CHRNE: variants seen among roughly 807,000 people sequenced by gnomAD.
CHRNE encodes the protein cholinergic receptor nicotinic epsilon subunit, also known as acetylcholine receptor subunit epsilon.
CHRNE carries 58 observed loss-of-function variants against 56.5 expected under a neutral mutation model. The observed-to-expected ratio is 1.03, with a 90% confidence interval of 0.83 to 1.28. The LOEUF (loss-of-function observed/expected upper bound fraction) is 1.28. Ranked by LOEUF, CHRNE falls within the 50% of genes most tolerant of loss-of-function variation. The pLI is 0.00. For synonymous variants in CHRNE, 385 were observed against 297.9 expected, an observed-to-expected ratio of 1.29 and a Z score of -3.01; for missense variants, 793 against 688.9, an observed-to-expected ratio of 1.15 and a Z score of -1.69.
Position 4,902,948 on chromosome 17 carries a change from CTT to C in CHRNE, c.46+68_46+69del. On this transcript the variant is annotated intron_variant, in intron 1 of 11. Transcript: ENST00000649488. This position sits in a 1 kb window ranked among gnomAD's most constrained non-coding sequence, Gnocchi z 4.0. Reference sequence around the variant, plus strand: ...TCTAAGTCTCCATCTTGGTCTCTGTCTTTGTCTTCCCAGTCCCTTCATGTCAG... The same window carrying C: ...TCTAAGTCTCCATCTTGGTCTCTGTCTGTCTTCCCAGTCCCTTCATGTCAG... The C allele has an allele frequency of 1.2e-6, 2 of 1,606,336 alleles. No individual in the cohort carries two copies. The highest frequency in any genetic ancestry group is 1.1e-5 in the South Asian group (1 of 90,836).
At chr17:4,899,438 C>T (rs1334356932) in intron 9 of CHRNE, 30 bp downstream of exon 9, 1 of 1,557,662 alleles carries the variant, frequency 6.4e-7, no homozygotes, top group South Asian at 1.2e-5. Context: ...CCCACCCCGA[C>T]CCGGGCTGCA....
chr17:4,899,492 G>A lies in CHRNE; in HGVS notation c.1008C>T (p.His336=), dbSNP rs768479748. 7 of 1,601,008 alleles carry A rather than the reference G, an allele frequency of 4.4e-6. No individual in the cohort carries two copies. Among genetic ancestry groups the A allele is most frequent in the South Asian group, 2.3e-5 (2 of 88,516 alleles). Residue 336 remains histidine, a synonymous_variant, in exon 9 of 12, where the codon CAC becomes CAT. Transcript: ENST00000649488. ...CGTGGCGCAGCCGCGGGGACATGGC[G>A]TGGGTGGTGGGCGTCCGCTGGGACA... ...LNVSQRTPTT[H]AMSPRLRHVL...
rs926435428 is a variant in CHRNE, at chr17:4,898,091, G to C, written c.*645C>G. 8 of 151,444 alleles carry C rather than the reference G, an allele frequency of 5.3e-5. No homozygotes were observed. The highest frequency in any genetic ancestry group is 2.0e-4 in the South Asian group (1 of 5,128). The allele number at this position is 151,444 out of a possible 1,614,324, so 9.4% of individuals were successfully genotyped here. A position where few individuals can be genotyped will look rare whatever the true frequency, so the allele number is the denominator to read the frequency against. On this transcript the variant is annotated 3_prime_UTR_variant, in exon 12 of 12. Transcript: ENST00000649488. ...GGCCGCATGTCCTTGCTTTCTGTCA[G>C]TACTGTAGACTAGGCAGAGAGAGCC...
intron 6 of CHRNE, 118 bp from the exon 7 acceptor site, chr17:4,901,308 G>A (rs1295754943): frequency 8.5e-7 from 1 of 1,171,750 alleles, no homozygotes; most frequent in Non-Finnish European, 1.2e-6. Context: ...CAGGATGGGG[G>A]CAATTACGGA....
intron 8 of CHRNE, chr17:4,900,432 C>CGGGGTCTGCA (rs746824055): frequency 1.1e-4 from 165 of 1,551,032 alleles, no homozygotes; most frequent in Admixed American, 2.2e-4. Context: ...CCTGTGTGGA[C>CGGGGTCTGCA]GGGGTCTGCA....
In CHRNE at chr17:4,898,567, C is replaced by G. The variant is rs1597611978; in HGVS notation, c.*169G>C. 4.6e-6 allele frequency: 4 copies of G among 872,144 alleles called. No homozygotes were observed. In the South Asian group the frequency reaches 6.4e-5, roughly 14 times the overall value. 54.0% of individuals were successfully genotyped at this position (872,144 alleles called of 1,614,324 possible). A position where few individuals can be genotyped will look rare whatever the true frequency, so the allele number is the denominator to read the frequency against. The stretch of plus-strand genomic sequence containing the variant: ...TTTCCTCCTGCTGACCCCTGGACTG[C>G]GGCCAGGCCTACACACGCCAGGGAA... On this transcript the variant is annotated 3_prime_UTR_variant, in exon 12 of 12. Coordinates refer to ENST00000649488, the MANE Select transcript of CHRNE (RefSeq NM_000080.4).
chr17:4,901,800 C>T, intron 5 of CHRNE, 132 bp downstream of exon 5: 4 of 1,390,800 alleles, frequency 2.9e-6, no homozygotes, highest in South Asian at 1.2e-5. Flanking sequence ...TGGAGCGTCC[C>T]ACCCAGTGCC....
chr17:4,900,299 A>G, intron 8 of CHRNE: 4 of 1,545,452 alleles, frequency 2.6e-6, no homozygotes, highest in Non-Finnish European at 3.5e-6. Context: ...GCCCAGCCCC[A>G]GACGGCAGGG....
upstream of CHRNE, among the ~76,000 whole-genome samples, chr17:4,906,626 G>A (rs1970095435): frequency 6.6e-6 from 1 of 152,090 alleles, no homozygotes; most frequent in African/African-American, 2.4e-5. Context: ...GCTGAGGTAG[G>A]AGAATTGCTT....
In CHRNE at chr17:4,898,998, C is replaced by T. The variant is rs746139069; in HGVS notation, c.1326+3G>A. 2 of 1,590,100 alleles carry T rather than the reference C, an allele frequency of 1.3e-6. No individual in the cohort carries two copies. Among genetic ancestry groups the T allele is most frequent in the Non-Finnish European group, 1.7e-6 (2 of 1,169,566 alleles). On this transcript the variant is annotated splice_donor_region_variant and intron_variant, in intron 11 of 11. Transcript: ENST00000649488. ...CTCCACCCGCCTCTGGCTCCTGTCC[C>T]ACCTCGCCGGTGGCCTCCTGATCTC...
chr17:4,908,490 G>A (rs550404611), intron 1 of CHRNE, among the ~76,000 whole-genome samples: 31 of 125,664 alleles, frequency 2.5e-4, no homozygotes, highest in South Asian at 4.4e-4. Context: ...TCCTGCCAGC[G>A]CTGGGAGCAA....
At position 4,899,574 on chromosome 17, in the gene CHRNE, A is replaced by C; in HGVS notation, c.926T>G (p.Ile309Ser). 6.3e-7 allele frequency: 1 copy of C among 1,586,328 alleles called. No individual in the cohort carries two copies. Reference sequence around the variant, plus strand: ...GAGCGTGGCGACCACCATGACGAAAATAAGGAACCTGAGGAGCCCGGAAGG... The same window carrying C: ...GAGCGTGGCGACCACCATGACGAAACTAAGGAACCTGAGGAGCCCGGAAGG... Reference protein sequence around the residue: ...LSVPLLGRFLIFVMVVATLIV... With the variant: ...LSVPLLGRFLSFVMVVATLIV... Residue 309 changes from isoleucine (I) to serine (S), a missense_variant, in exon 9 of 12, where the codon ATT becomes AGT. Ile to Ser is a moderately radical substitution (Grantham distance 142, BLOSUM62 -2). Transcript: ENST00000649488.
chr17:4,899,168 G>C, intron 10 of CHRNE, 30 bp downstream of exon 10: 1 of 1,591,662 alleles, frequency 6.3e-7, no homozygotes, highest in Non-Finnish European at 8.5e-7. Flanking sequence ...CACCCCGCGC[G>C]GCCCCCCGGG....
Position 4,899,036 on chromosome 17 carries a change from C to T in CHRNE, c.1291G>A (p.Ala431Thr), listed in dbSNP as rs121909517. 6 of 1,610,882 alleles carry T rather than the reference C, an allele frequency of 3.7e-6. No homozygotes were observed. The highest frequency in any genetic ancestry group is 1.1e-5 in the South Asian group (1 of 90,410). Residue 431 changes from alanine (A) to threonine (T), a missense_variant, in exon 11 of 12, where the codon GCC becomes ACC. Transcript: ENST00000649488. ...RCCVDAVNFVAESTRDQEATG... is the reference protein window; with the variant it reads ...RCCVDAVNFVTESTRDQEATG... ...GCCTCCTGATCTCTCGTGCTCTCGGCCACGAAGTTCACGGCATCCACACAG... is the reference window on the plus strand; with the variant it reads ...GCCTCCTGATCTCTCGTGCTCTCGGTCACGAAGTTCACGGCATCCACACAG...
Position 4,898,892 on chromosome 17 carries a change from CTGGGGAAG to C in CHRNE, c.1327-9_1327-2del. The stretch of plus-strand genomic sequence containing the variant: ...CCATGCGCACCCAGTCGGACACTTC[CTGGGGAAG>C]GGTCGGCACAGTCAGTAAAGAGGCA... On this transcript the variant is annotated splice_acceptor_variant and splice_polypyrimidine_tract_variant and intron_variant, in intron 11 of 11. Coordinates refer to ENST00000649488, the MANE Select transcript of CHRNE (RefSeq NM_000080.4). LOFTEE classifies it high-confidence loss of function. The C allele has an allele frequency of 6.3e-7, 1 of 1,577,264 alleles. No homozygotes were observed. Among genetic ancestry groups the C allele is most frequent in the Non-Finnish European group, 8.6e-7 (1 of 1,161,898 alleles).
Position 4,902,167 on chromosome 17 carries a change from C to A in CHRNE, c.344+50G>T. ...CCCCCTTCCCCAACCAAGTCCAGCC[C>A]GCACCCCAGGCCGGCTTCCCTCCAG... On this transcript the variant is annotated intron_variant, in intron 4 of 11. Transcript: ENST00000649488. The surrounding 1 kb of genome is among the most constrained non-coding windows in gnomAD (Gnocchi z 4.0). 1 of 1,613,618 alleles carries A rather than the reference C, an allele frequency of 6.2e-7. No individual in the cohort carries two copies. Among genetic ancestry groups the A allele is most frequent in the Non-Finnish European group, 8.5e-7 (1 of 1,179,566 alleles).
rs769228953 is a variant in CHRNE at position 4,901,008 on chromosome 17, A to G, written c.784T>C (p.Tyr262His). The G allele has an allele frequency of 2.5e-6, 4 of 1,613,852 alleles. No homozygotes were observed. In the Admixed American group the frequency reaches 6.7e-5, roughly 27 times the overall value. ...TGCTTACCCTGCGCCGGCAGGAAGT[A>G]GGCGAGCAGCACCAGGCCCGAGATG... The part of the protein sequence containing the change: ...VLISGLVLLA[Y>H]FLPAQAGGQK... Residue 262 changes from tyrosine to histidine, a missense_variant, in exon 7 of 12, where the codon TAC becomes CAC. By Grantham distance (83) the Tyr-to-His change is moderately conservative. Transcript: ENST00000649488.
chr17:4,901,629 C>CGGAGCCAGGGCCG lies in CHRNE; in HGVS notation c.501-17_501-5dup. Reference sequence around the variant, plus strand: ...TTCGGCATTGTACGTCTGAGAGCTGCGGAGCCAGGGCCGGGAGCCCACCCC... The same window carrying CGGAGCCAGGGCCG: ...TTCGGCATTGTACGTCTGAGAGCTGCGGAGCCAGGGCCGGGAGCCAGGGCCGGGAGCCCACCCC... On this transcript the variant is annotated splice_polypyrimidine_tract_variant and splice_region_variant and intron_variant, in intron 5 of 11. Coordinates refer to ENST00000649488, the MANE Select transcript of CHRNE (RefSeq NM_000080.4). The CGGAGCCAGGGCCG allele has an allele frequency of 1.9e-6, 3 of 1,613,672 alleles. No individual in the cohort carries two copies. The highest frequency in any genetic ancestry group is 2.5e-6 in the Non-Finnish European group (3 of 1,179,784).
At position 4,899,455 on chromosome 17, in the gene CHRNE, C is replaced by A; in HGVS notation, c.1032+13G>T. The A allele has an allele frequency of 6.4e-7, 1 of 1,573,916 alleles. No homozygotes were observed. The highest frequency in any genetic ancestry group is 8.6e-7 in the Non-Finnish European group (1 of 1,161,102). On this transcript the variant is annotated intron_variant, in intron 9 of 11. Coordinates refer to ENST00000649488, the MANE Select transcript of CHRNE (RefSeq NM_000080.4). ...CACCCCGACCCGGGCTGCACCGCCC[C>A]CTCCGCGCTTACGTGGCGCAGCCGC...
Sources: gnomAD v4.1 joint callset for allele counts (sites outside exome capture counted in the v4.1 genomes callset) on GRCh38, gnomAD v4.1.1 for gene constraint, Gnocchi (gnomAD v3.1) non-coding constraint, MANE v1.5 for transcripts, NCBI Gene and HGNC (gene_info 2026-07-23, HGNC 2026-07-21) for gene names.